The following BSCL2 variants were observed in gnomAD, a reference collection of about 807,000 sequenced individuals.
The protein encoded by BSCL2 is BSCL2 lipid droplet biogenesis associated, seipin.
Under a neutral mutation model 57.4 loss-of-function variants are expected in BSCL2, and 41 were observed. That is an observed-to-expected ratio of 0.71 (90% CI 0.56 to 0.93). BSCL2 has a LOEUF of 0.93. BSCL2 is among the 40% of genes least tolerant of loss of function. The probability of loss-of-function intolerance (pLI) is 0.00; values close to 1 mark genes in which losing one functional copy is unlikely to be tolerated. For synonymous variants in BSCL2, 237 were observed against 227.3 expected, an observed-to-expected ratio of 1.04 and a Z score of -0.38; for missense variants, 539 against 586.7, an observed-to-expected ratio of 0.92 and a Z score of 0.84.
intron 3 of BSCL2, among the ~76,000 whole-genome samples, chr11:62,699,962 G>A (rs535994539): frequency 6.6e-6 from 1 of 151,756 alleles, no homozygotes; most frequent in East Asian, 1.9e-4. Flanking sequence ...GATTACAGGC[G>A]TGAGCCACCA....
chr11:62,705,693 C>G, intron 1 of BSCL2, 76 bp from the exon 2 acceptor site: 1 of 1,349,416 alleles, frequency 7.4e-7, no homozygotes, highest in Non-Finnish European at 9.9e-7. Context: ...ACTGGACTGG[C>G]TTTGAGGAAC....
rs775246044 is a variant in BSCL2 at position 62,690,525 on chromosome 11, G to A, written c.1235-4C>T. 1 of 1,614,030 alleles carries A rather than the reference G, an allele frequency of 6.2e-7. No homozygotes were observed. Among genetic ancestry groups the A allele is most frequent in the Non-Finnish European group, 8.5e-7 (1 of 1,180,026 alleles). On this transcript the variant is annotated splice_region_variant and splice_polypyrimidine_tract_variant and intron_variant, in intron 10 of 10. Transcript: ENST00000360796. ...GCATCTTCCCAGGAGCCTGAACCTG[G>A]GCCAGGAAAGGGAAAAACAAAATCT... is the stretch of plus-strand genomic sequence containing the variant.
chr11:62,701,361 C>T (rs984201950), intron 3 of BSCL2, among the ~76,000 whole-genome samples: 1 of 152,162 alleles, frequency 6.6e-6, no homozygotes, highest in African/African-American at 2.4e-5. Flanking sequence ...CTATCACAAG[C>T]TGAAAACGCA....
At position 62,705,594 on chromosome 11, in the gene BSCL2, A is replaced by G; in HGVS notation, c.111T>C (p.His37=). 6.4e-7 allele frequency: 1 copy of G among 1,555,876 alleles called. No homozygotes were observed. Among genetic ancestry groups the G allele is most frequent in the African/African-American group, 1.3e-5 (1 of 74,154 alleles). The change falls in exon 2 of 11, where the codon CAT becomes CAC. Residue 37 remains histidine (H), a synonymous_variant. Transcript: ENST00000360796. ...KEEEPPAAAS[H]GQGWRPGGRA... Reference sequence around the variant, plus strand: ...TGCCACCTGGACGCCACCCCTGGCCATGGGATGCAGCAGCTGGTGGTTCCT... The same window carrying G: ...TGCCACCTGGACGCCACCCCTGGCCGTGGGATGCAGCAGCTGGTGGTTCCT...
At chr11:62,694,763 A>G (rs866152170) in intron 3 of BSCL2, 52 bp from the exon 4 acceptor site, 2 of 1,584,322 alleles carry the variant, frequency 1.3e-6, no homozygotes, top group East Asian at 2.3e-5. Context: ...TTGAAAATGT[A>G]CTGTCTCTAT....
intron 3 of BSCL2, among the ~76,000 whole-genome samples, chr11:62,701,385 A>G (rs566705277): frequency 5.3e-5 from 8 of 152,178 alleles, no homozygotes; most frequent in Non-Finnish European, 1.0e-4. Flanking sequence ...AGTACACCTA[A>G]CCTAAAGAAC....
chr11:62,702,923 G>A (rs1945687978), intron 2 of BSCL2, among the ~76,000 whole-genome samples: 1 of 152,058 alleles, frequency 6.6e-6, no homozygotes, highest in South Asian at 2.1e-4. Context: ...GGCCGAGGAG[G>A]GCGGATCACC....
Position 62,692,717 on chromosome 11 carries a change from T to G in BSCL2, c.711A>C (p.Ala237=). ...VFSSLLLFGF[A]EQKQLLEVEL... is the part of the protein sequence containing the mutation. ...CCACCTCCAGCAGCTGCTTCTGCTC[T>G]GCAAAGCCAAATAGCAGGAGGCTAG... is the stretch of plus-strand genomic sequence containing the variant. Residue 237 remains alanine (A), a synonymous_variant, in exon 5 of 11, where the codon GCA becomes GCC. Coordinates refer to ENST00000360796, the MANE Select transcript of BSCL2 (RefSeq NM_001122955.4). 1.2e-6 allele frequency: 2 copies of G among 1,614,164 alleles called. No homozygotes were observed. Among genetic ancestry groups the G allele is most frequent in the Non-Finnish European group, 1.7e-6 (2 of 1,180,036 alleles).
chr11:62,690,300 A>G lies in BSCL2; in HGVS notation c.*67T>C. Reference sequence around the variant, plus strand: ...GAAGCTGACACAAAATAGTTTATTGAAGGAAAAACGAGGGGAGAGGAGTCA... The same window carrying G: ...GAAGCTGACACAAAATAGTTTATTGGAGGAAAAACGAGGGGAGAGGAGTCA... On this transcript the variant is annotated 3_prime_UTR_variant, in exon 11 of 11. Transcript: ENST00000360796. 1 of 1,608,278 alleles carries G rather than the reference A, an allele frequency of 6.2e-7. No individual in the cohort carries two copies. The highest frequency in any genetic ancestry group is 1.1e-5 in the South Asian group (1 of 90,838).
chr11:62,706,263 C>A (rs1350154556), intron 1 of BSCL2: 4 of 1,102,134 alleles, frequency 3.6e-6, no homozygotes, highest in Non-Finnish European at 2.2e-6. Flanking sequence ...ACTCACCAGC[C>A]TCGCGCGCTG....
intron 3 of BSCL2, among the ~76,000 whole-genome samples, chr11:62,694,965 G>C (rs2134703778): frequency 6.6e-6 from 1 of 152,246 alleles, no homozygotes; most frequent in Admixed American, 6.5e-5. Context: ...TTCCCAGAAA[G>C]GCTGTGTCAC....
At chr11:62,699,844 A>G (rs984814693) in intron 3 of BSCL2, among the ~76,000 whole-genome samples, 6 of 151,584 alleles carry the variant, frequency 4.0e-5, no homozygotes, top group African/African-American at 1.5e-4. Flanking sequence ...ACACCTGGCT[A>G]ATTTTTGTAT....
chr11:62,697,454 C>T (rs1945505129), intron 3 of BSCL2: 1 of 150,810 alleles, frequency 6.6e-6, no homozygotes, highest in South Asian at 2.1e-4. Context: ...GATTCTCCCC[C>T]TTCTCTAACA....
chr11:62,694,765 T>A, intron 3 of BSCL2, 54 bp from the exon 4 acceptor site: 32 of 1,580,146 alleles, frequency 2.0e-5, no homozygotes, highest in Non-Finnish European at 2.7e-5. Context: ...GAAAATGTAC[T>A]GTCTCTATTC....
chr11:62,693,379 C>T (rs1041113409), intron 4 of BSCL2, among the ~76,000 whole-genome samples: 3 of 151,994 alleles, frequency 2.0e-5, no homozygotes, highest in African/African-American at 4.8e-5. Context: ...TGGTGAGCAC[C>T]TGTAGTCCCA....
intron 3 of BSCL2, among the ~76,000 whole-genome samples, chr11:62,701,455 C>A (rs1414712238): frequency 2.6e-5 from 4 of 152,168 alleles, no homozygotes; most frequent in African/African-American, 9.7e-5. Context: ...TGTTAGCCTA[C>A]CTATAGTTGA....
At chr11:62,693,214 A>G (rs1292733834) in intron 4 of BSCL2, among the ~76,000 whole-genome samples, 2 of 152,126 alleles carry the variant, frequency 1.3e-5, no homozygotes, top group Non-Finnish European at 2.9e-5. Flanking sequence ...GAGTCTTAAC[A>G]TTTATTAGGC....
At chr11:62,708,522 T>C (rs868829448), upstream of BSCL2, 5 of 1,246,182 alleles carry the variant, frequency 4.0e-6, no homozygotes, top group Middle Eastern at 5.2e-4. Flanking sequence ...TCTGGGGCTC[T>C]GTAGAGAGAG....
intron 2 of BSCL2, among the ~76,000 whole-genome samples, chr11:62,703,150 CAA>C (rs35672317): frequency 1.4e-3 from 200 of 138,994 alleles, no homozygotes; most frequent in Admixed American, 1.6e-3. Flanking sequence ...AACTCCATCT[CAA>C]AAAAAAAAAA....
Sources: allele counts gnomAD v4.1 joint callset (sites outside exome capture counted in the v4.1 genomes callset), GRCh38; gene constraint gnomAD v4.1.1; transcripts MANE v1.5; gene names NCBI Gene and HGNC (gene_info 2026-07-23, HGNC 2026-07-21).